ABCG4: variants seen among roughly 807,000 people sequenced by gnomAD.
ABCG4 encodes ATP-binding cassette sub-family G member 4.
In ABCG4, 35 loss-of-function variants were observed where a neutral mutation model predicts 64.6. The ratio of observed to expected loss-of-function variants is 0.54; its 90% confidence interval spans 0.41 to 0.72. The LOEUF is 0.72. Ranked by LOEUF, ABCG4 falls within the 30% of genes least tolerant of loss-of-function variation. The probability of loss-of-function intolerance (pLI) is 0.00; values close to 1 mark genes in which losing one functional copy is unlikely to be tolerated. For synonymous variants in ABCG4, 326 were observed against 348.2 expected (o/e 0.94, Z 0.71); for missense variants, 610 against 846.3 (o/e 0.72, Z 3.46).
Position 119,150,306 on chromosome 11 carries a change from G to A in ABCG4, c.238+103G>A. The A allele has an allele frequency of 6.8e-7, 1 of 1,469,028 alleles. No homozygotes were observed. Among genetic ancestry groups the A allele is most frequent in the Non-Finnish European group, 9.1e-7 (1 of 1,093,620 alleles). The allele number at this position is 1,469,028 out of a possible 1,614,324, so 91.0% of individuals were successfully genotyped here. The stretch of plus-strand genomic sequence containing the variant: ...CATGTTCGGAAAGTCCTGCACCAGT[G>A]GGCTCTGTGGAAACACTAAAATCTG... On this transcript the variant is annotated intron_variant, in intron 2 of 14. Coordinates refer to ENST00000619701, the MANE Select transcript of ABCG4 (RefSeq NM_022169.5). This position sits in a 1 kb window ranked among gnomAD's most constrained non-coding sequence, Gnocchi z 4.3.
Position 119,156,084 on chromosome 11 carries a change from A to G in ABCG4, c.687-245A>G. On this transcript the variant is annotated intron_variant, in intron 6 of 14. Transcript: ENST00000619701. This position sits in a 1 kb window ranked among gnomAD's most constrained non-coding sequence, Gnocchi z 5.5. ...CCAGACCAGAGTCTATGTCTTATTT[A>G]TGCATCATTGTAATCCCAGTGCCTG... 1 of 520,150 alleles carries G rather than the reference A, an allele frequency of 1.9e-6. No homozygotes were observed. Among genetic ancestry groups the G allele is most frequent in the Non-Finnish European group, 3.5e-6 (1 of 287,760 alleles). The allele number at this position is 520,150 out of a possible 1,614,324, so 32.2% of individuals were successfully genotyped here. A position where few individuals can be genotyped will look rare whatever the true frequency, so the allele number is the denominator to read the frequency against.
At chr11:119,151,925 T>C (rs1282148975) in intron 2 of ABCG4, among the ~76,000 whole-genome samples, 1 of 152,238 alleles carries the variant, frequency 6.6e-6, no homozygotes, top group African/African-American at 2.4e-5. Context: ...TTTTCTCATC[T>C]GTAAACAGGG....
rs755846434 is a variant in ABCG4 at position 119,156,452 on chromosome 11, GGTGA to G, written c.810+4_810+7del. 21 of 1,614,082 alleles carry G rather than the reference GGTGA, an allele frequency of 1.3e-5. No individual in the cohort carries two copies. The highest frequency in any genetic ancestry group is 1.6e-5 in the Non-Finnish European group (19 of 1,180,042). ...CCAAGCTCTTTGAGATGTTTGACAA[GGTGA>G]GTGTCTCCAGGCCTCAAGGAGGATT... On this transcript the variant is annotated splice_donor_variant and splice_donor_region_variant and intron_variant, in intron 7 of 14. Transcript: ENST00000619701. LOFTEE classifies it high-confidence loss of function. This position sits in a 1 kb window ranked among gnomAD's most constrained non-coding sequence, Gnocchi z 5.5.
Position 119,150,338 on chromosome 11 carries a change from A to G in ABCG4, c.238+135A>G. The G allele has an allele frequency of 5.5e-6, 7 of 1,272,234 alleles. 1 individual carries two copies. The South Asian group carries it at 8.6e-5, about 16-fold the overall frequency. 78.8% of individuals were successfully genotyped at this position (1,272,234 alleles called of 1,614,324 possible). A position where few individuals can be genotyped will look rare whatever the true frequency, so the allele number is the denominator to read the frequency against. ...GTGGAAACACTAAAATCTGGGCCCC[A>G]GCCCGTTGCTCACTGTGCACTCTTG... On this transcript the variant is annotated intron_variant, in intron 2 of 14. Coordinates refer to ENST00000619701, the MANE Select transcript of ABCG4 (RefSeq NM_022169.5). The surrounding 1 kb of genome is among the most constrained non-coding windows in gnomAD (Gnocchi z 4.3).
Position 119,154,496 on chromosome 11 carries a change from AC to A in ABCG4, c.490-28del. Reference sequence around the variant, plus strand: ...CAAGGCAGAGCTCCCTCCCACACATACTTTTCTTGCTTACTCTCTGGGCCCC... The same window carrying A: ...CAAGGCAGAGCTCCCTCCCACACATATTTTCTTGCTTACTCTCTGGGCCCC... On this transcript the variant is annotated intron_variant, in intron 4 of 14. Coordinates refer to ENST00000619701, the MANE Select transcript of ABCG4 (RefSeq NM_022169.5). This position sits in a 1 kb window ranked among gnomAD's most constrained non-coding sequence, Gnocchi z 7.0. The A allele has an allele frequency of 6.2e-7, 1 of 1,614,040 alleles. No homozygotes were observed. The highest frequency in any genetic ancestry group is 1.1e-5 in the South Asian group (1 of 91,078).
At chr11:119,159,074 T>C in intron 12 of ABCG4, 145 bp downstream of exon 12, 2 of 774,088 alleles carry the variant, frequency 2.6e-6, no homozygotes, top group African/African-American at 1.7e-5. Flanking sequence ...GTACCTGTCA[T>C]AGCCCAGGCT....
Position 119,156,443 on chromosome 11 carries a change from G to A in ABCG4, c.801G>A (p.Met267Ile). The A allele has an allele frequency of 1.2e-6, 2 of 1,614,208 alleles. No homozygotes were observed. The highest frequency in any genetic ancestry group is 1.6e-4 in the Middle Eastern group (1 of 6,062). Reference sequence around the variant, plus strand: ...AGCCCAGTGCCAAGCTCTTTGAGATGTTTGACAAGGTGAGTGTCTCCAGGC... The same window carrying A: ...AGCCCAGTGCCAAGCTCTTTGAGATATTTGACAAGGTGAGTGTCTCCAGGC... The part of the protein sequence containing the change: ...IHQPSAKLFE[M>I]FDKLYILSQG... Residue 267 changes from methionine (M) to isoleucine (I), a missense_variant, in exon 7 of 15, where the codon ATG becomes ATA. Met to Ile is a conservative substitution (Grantham distance 10). Transcript: ENST00000619701. The surrounding 1 kb of genome is among the most constrained non-coding windows in gnomAD (Gnocchi z 5.5).
chr11:119,159,139 T>C (rs485030), intron 12 of ABCG4, among the ~76,000 whole-genome samples: 102,844 of 152,164 alleles, frequency 0.68, 35,384 homozygotes, highest in East Asian at 0.87. Flanking sequence ...GTCTTGACCA[T>C]GTGGAACTTA....
rs1017048807 is a variant in ABCG4 at position 119,161,176 on chromosome 11, T to A, written c.*70T>A. 5.6e-6 allele frequency: 8 copies of A among 1,435,864 alleles called. No homozygotes were observed. Among genetic ancestry groups the A allele is most frequent in the African/African-American group, 1.4e-5 (1 of 70,940 alleles). The allele number at this position is 1,435,864 out of a possible 1,614,324, so 88.9% of individuals were successfully genotyped here. On this transcript the variant is annotated 3_prime_UTR_variant, in exon 15 of 15. Coordinates refer to ENST00000619701, the MANE Select transcript of ABCG4 (RefSeq NM_022169.5). Reference sequence around the variant, plus strand: ...CCAGTCCCAGCCCTTTGGGACTGTTTTAACCTTATAGACTTGGGCACTGGT... The same window carrying A: ...CCAGTCCCAGCCCTTTGGGACTGTTATAACCTTATAGACTTGGGCACTGGT...
Position 119,158,471 on chromosome 11 carries a change from G to A in ABCG4, c.1168-86G>A. 6.3e-7 allele frequency: 1 copy of A among 1,584,182 alleles called. No homozygotes were observed. Among genetic ancestry groups the A allele is most frequent in the Non-Finnish European group, 8.7e-7 (1 of 1,153,592 alleles). On this transcript the variant is annotated intron_variant, in intron 10 of 14. Coordinates refer to ENST00000619701, the MANE Select transcript of ABCG4 (RefSeq NM_022169.5). The surrounding 1 kb of genome is among the most constrained non-coding windows in gnomAD (Gnocchi z 4.5). ...CTGTGGGGTCTCTGTGCCTGTGAGG[G>A]CAGCTCCGAGTTCCTACTCCAAGTC... is the stretch of plus-strand genomic sequence containing the variant.
Position 119,160,800 on chromosome 11 carries a change from A to G in ABCG4, c.1716-81A>G, listed in dbSNP as rs1474325451. On this transcript the variant is annotated intron_variant, in intron 14 of 14. Coordinates refer to ENST00000619701, the MANE Select transcript of ABCG4 (RefSeq NM_022169.5). The surrounding 1 kb of genome is among the most constrained non-coding windows in gnomAD (Gnocchi z 4.6). Reference sequence around the variant, plus strand: ...CTGGCTGCACCCCAGGGATGACAGCATTGCAGCTGGGCTCTGGCAGTTTTC... The same window carrying G: ...CTGGCTGCACCCCAGGGATGACAGCGTTGCAGCTGGGCTCTGGCAGTTTTC... 2 of 1,526,132 alleles carry G rather than the reference A, an allele frequency of 1.3e-6. No homozygotes were observed. The highest frequency in any genetic ancestry group is 2.3e-5 in the East Asian group (1 of 44,174). The allele number at this position is 1,526,132 out of a possible 1,614,324, so 94.5% of individuals were successfully genotyped here. A position where few individuals can be genotyped will look rare whatever the true frequency, so the allele number is the denominator to read the frequency against.
At chr11:119,157,875 A>ACAAAACAAAACAAAACAAAAAAAACC (rs1565815855) in intron 9 of ABCG4, among the ~76,000 whole-genome samples, 4 of 152,104 alleles carry the variant, frequency 2.6e-5, no homozygotes, top group African/African-American at 9.7e-5. Context: ...CAAAAACAAA[A>ACAAAACAAAACAAAACAAAAAAAACC]CAAAACAAAA....
intron 12 of ABCG4, among the ~76,000 whole-genome samples, chr11:119,159,649 A>G (rs577633336): frequency 2.6e-4 from 40 of 152,334 alleles, no homozygotes; most frequent in African/African-American, 9.6e-4. Context: ...GTTACCGCCA[A>G]TACCACCCTG....
In ABCG4 at chr11:119,160,564, C is replaced by T. The variant is rs778316947; in HGVS notation, c.1623C>T (p.Thr541=). Residue 541 remains threonine, a synonymous_variant, in exon 14 of 15, where the codon ACC becomes ACT. Coordinates refer to ENST00000619701, the MANE Select transcript of ABCG4 (RefSeq NM_022169.5). This position sits in a 1 kb window ranked among gnomAD's most constrained non-coding sequence, Gnocchi z 4.6. ...LQVATFVGPV[T]AIPVLLFSGF... ...TGGCCACTTTTGTGGGCCCAGTTAC[C>T]GCCATCCCTGTCCTCTTGTTCTCCG... 1.3e-5 allele frequency: 21 copies of T among 1,611,768 alleles called. No individual in the cohort carries two copies. The highest frequency in any genetic ancestry group is 3.3e-5 in the South Asian group (3 of 91,090).
rs1299168255 is a variant in ABCG4, at chr11:119,154,151, A to G, written c.356+8A>G. The G allele has an allele frequency of 6.2e-7, 1 of 1,614,080 alleles. No homozygotes were observed. On this transcript the variant is annotated splice_region_variant and intron_variant, in intron 3 of 14. Transcript: ENST00000619701. This position sits in a 1 kb window ranked among gnomAD's most constrained non-coding sequence, Gnocchi z 7.0. ...CATCTTGGCAGGATACAGGTAAGGA[A>G]GAGACTGGGGTGGAATGGAGGCAGG...
At chr11:119,151,008 G>T (rs904453121) in intron 2 of ABCG4, among the ~76,000 whole-genome samples, 8 of 152,192 alleles carry the variant, frequency 5.3e-5, no homozygotes, top group Non-Finnish European at 1.2e-4. Context: ...TCAACAAATA[G>T]GTTTGGGGTG....
rs1295683684 is a variant in ABCG4, at chr11:119,160,503, C to T, written c.1597-35C>T. 1.9e-6 allele frequency: 3 copies of T among 1,607,248 alleles called. No homozygotes were observed. The highest frequency in any genetic ancestry group is 1.3e-5 in the African/African-American group (1 of 74,858). ...GAAACCTGGGTTTGTCCTGGTCACC[C>T]CTATGATGGCCTGGCCCCCTCCCTT... On this transcript the variant is annotated intron_variant, in intron 13 of 14. Transcript: ENST00000619701. This position sits in a 1 kb window ranked among gnomAD's most constrained non-coding sequence, Gnocchi z 4.6.
rs565568660 is a variant in ABCG4 at position 119,155,446 on chromosome 11, T to A, written c.686+531T>A. ...AAGCGATTCTCCTGCCTCAGCCTCTTGAGTAGCTGGAATTACAGGCGTGTA... is the reference window on the plus strand; with the variant it reads ...AAGCGATTCTCCTGCCTCAGCCTCTAGAGTAGCTGGAATTACAGGCGTGTA... On this transcript the variant is annotated intron_variant, in intron 6 of 14. Transcript: ENST00000619701. The surrounding 1 kb of genome is among the most constrained non-coding windows in gnomAD (Gnocchi z 4.5). Among the ~76,000 whole-genome samples the A allele has an allele frequency of 2.8e-4, 42 of 152,274 alleles. No individual in the cohort carries two copies. The highest frequency in any genetic ancestry group is 5.9e-4 in the Admixed American group (9 of 15,292).
Position 119,158,172 on chromosome 11 carries a change from TG to T in ABCG4, c.1069-59del. On this transcript the variant is annotated intron_variant, in intron 9 of 14. Transcript: ENST00000619701. The surrounding 1 kb of genome is among the most constrained non-coding windows in gnomAD (Gnocchi z 4.5). The stretch of plus-strand genomic sequence containing the variant: ...CTCTGAGGTTTTTCATTCACTGAGC[TG>T]GGTGTTCTGTGGGTGAATGGGGTAG... 1 of 1,355,874 alleles carries T rather than the reference TG, an allele frequency of 7.4e-7. No homozygotes were observed. The allele number at this position is 1,355,874 out of a possible 1,614,324, so 84.0% of individuals were successfully genotyped here.
Sources: allele counts gnomAD v4.1 joint callset (sites outside exome capture counted in the v4.1 genomes callset), GRCh38; gene constraint gnomAD v4.1.1; non-coding constraint Gnocchi (gnomAD v3.1); transcripts MANE v1.5; gene names NCBI Gene and HGNC (gene_info 2026-07-23, HGNC 2026-07-21).